Variants in CRIM1 observed in about 807,000 individuals in gnomAD.
CRIM1 encodes cysteine rich transmembrane BMP regulator 1.
CRIM1 carries 32 observed loss-of-function variants against 116.4 expected under a neutral mutation model. That is an observed-to-expected ratio of 0.27 (90% CI 0.21 to 0.37). CRIM1 has a LOEUF of 0.37. Among genes scored for constraint, CRIM1 ranks in the 10% least tolerant of loss-of-function variants. The probability of loss-of-function intolerance (pLI) is 1.00; values close to 1 mark genes in which losing one functional copy is unlikely to be tolerated. For synonymous variants in CRIM1, 590 were observed against 509.2 expected (o/e 1.16, Z -2.13); for missense variants, 1,331 against 1,354.8 (o/e 0.98, Z 0.28).
chr2:36,458,426 G>A (rs1677313123), intron 4 of CRIM1, among the ~76,000 whole-genome samples: 2 of 152,082 alleles, frequency 1.3e-5, no homozygotes, highest in South Asian at 4.1e-4. Flanking sequence ...AGGTTTTTCT[G>A]GTCATTGTAG....
At chr2:36,472,696 A>C (rs1442315117) in intron 5 of CRIM1, among the ~76,000 whole-genome samples, 1 of 152,126 alleles carries the variant, frequency 6.6e-6, no homozygotes, top group Non-Finnish European at 1.5e-5. Flanking sequence ...TCAACCAAAT[A>C]ATTAGTATTG....
intron 1 of CRIM1, among the ~76,000 whole-genome samples, chr2:36,388,568 G>C (rs1022894543): frequency 2.0e-4 from 31 of 152,162 alleles, no homozygotes; most frequent in African/African-American, 7.2e-4. Flanking sequence ...AGAGCTAAAT[G>C]CCTTGTTTGG....
In CRIM1 at chr2:36,537,341, C is replaced by T; in HGVS notation, c.2429-11C>T. The T allele has an allele frequency of 6.2e-7, 1 of 1,613,740 alleles. No individual in the cohort carries two copies. The highest frequency in any genetic ancestry group is 1.3e-5 in the African/African-American group (1 of 75,058). On this transcript the variant is annotated splice_polypyrimidine_tract_variant and intron_variant, in intron 13 of 16. Coordinates refer to ENST00000280527, the MANE Select transcript of CRIM1 (RefSeq NM_016441.3). ...ATCAGCGACTCCATCATGTGCTGTTCTTTTCACTAGAAGACACAATTCCAA... is the reference window on the plus strand; with the variant it reads ...ATCAGCGACTCCATCATGTGCTGTTTTTTTCACTAGAAGACACAATTCCAA...
intron 2 of CRIM1, among the ~76,000 whole-genome samples, chr2:36,416,582 T>C (rs747562779): frequency 3.5e-4 from 54 of 152,352 alleles, no homozygotes; most frequent in Non-Finnish European, 6.8e-4. Flanking sequence ...AGGTTTAGTA[T>C]TTTTTGACCT....
chr2:36,428,199 C>G (rs984986207), intron 2 of CRIM1, among the ~76,000 whole-genome samples: 59 of 152,230 alleles, frequency 3.9e-4, no homozygotes, highest in African/African-American at 1.4e-3. Flanking sequence ...CAGTGCAGGA[C>G]TTCCCAGGAG....
At chr2:36,535,749 C>T (rs1278213751) in intron 13 of CRIM1, among the ~76,000 whole-genome samples, 1 of 152,192 alleles carries the variant, frequency 6.6e-6, no homozygotes, top group African/African-American at 2.4e-5. Flanking sequence ...TATAAAGGTG[C>T]ATATGCTTGA....
At position 36,437,539 on chromosome 2, in the gene CRIM1, A is replaced by G. The variant is rs547869744; in HGVS notation, c.506-3719A>G. On this transcript the variant is annotated intron_variant, in intron 2 of 16. Transcript: ENST00000280527. The stretch of plus-strand genomic sequence containing the variant: ...TCTTTAAAAACAGTTTATTCTTAGA[A>G]CACAAGGATGATTTAAAATCCAACC... 6.1e-5 allele frequency among the ~76,000 whole-genome samples: 9 copies of G among 146,730 alleles called. No homozygotes were observed. The South Asian group carries it at 2.0e-3, about 33-fold the overall frequency.
intron 5 of CRIM1, among the ~76,000 whole-genome samples, chr2:36,474,550 TA>T (rs1342343649): frequency 6.6e-6 from 1 of 152,182 alleles, no homozygotes; most frequent in African/African-American, 2.4e-5. Flanking sequence ...TGCATGTAGA[TA>T]ATGCAAAAGA....
At chr2:36,528,187 C>G (rs143204491) in intron 13 of CRIM1, among the ~76,000 whole-genome samples, 1 of 152,204 alleles carries the variant, frequency 6.6e-6, no homozygotes, top group Non-Finnish European at 1.5e-5. Context: ...CAAATAGATT[C>G]TAGTGTCTCA....
chr2:36,499,829 G>GA (rs1159203423), intron 8 of CRIM1, among the ~76,000 whole-genome samples: 4 of 151,928 alleles, frequency 2.6e-5, no homozygotes, highest in Non-Finnish European at 5.9e-5. Flanking sequence ...ATTTCTTCCA[G>GA]AAAAAAATAA....
intron 13 of CRIM1, among the ~76,000 whole-genome samples, chr2:36,535,733 GC>G (rs1292355547): frequency 2.6e-5 from 4 of 152,178 alleles, no homozygotes; most frequent in Non-Finnish European, 5.9e-5. Context: ...CATTATTAGT[GC>G]CATTTATAAA....
At chr2:36,365,067 GT>G (rs1470444368) in intron 1 of CRIM1, among the ~76,000 whole-genome samples, 1 of 152,112 alleles carries the variant, frequency 6.6e-6, no homozygotes, top group Non-Finnish European at 1.5e-5. Flanking sequence ...AATGTCAGAT[GT>G]TTGTCAAAGA....
chr2:36,537,347 A>G lies in CRIM1; in HGVS notation c.2429-5A>G. ...GACTCCATCATGTGCTGTTCTTTTC[A>G]CTAGAAGACACAATTCCAAAGAAGG... On this transcript the variant is annotated splice_region_variant and splice_polypyrimidine_tract_variant and intron_variant, in intron 13 of 16. Coordinates refer to ENST00000280527, the MANE Select transcript of CRIM1 (RefSeq NM_016441.3). 1.2e-6 allele frequency: 2 copies of G among 1,614,012 alleles called. No homozygotes were observed. The highest frequency in any genetic ancestry group is 1.7e-6 in the Non-Finnish European group (2 of 1,179,934).
At chr2:36,497,346 C>G (rs575480403) in intron 7 of CRIM1, among the ~76,000 whole-genome samples, 5 of 152,250 alleles carry the variant, frequency 3.3e-5, no homozygotes, top group African/African-American at 1.2e-4. Flanking sequence ...GCCTTCTACG[C>G]TCTCTCATAT....
intron 2 of CRIM1, among the ~76,000 whole-genome samples, chr2:36,418,322 T>C (rs1457522479): frequency 6.6e-6 from 1 of 152,198 alleles, no homozygotes; most frequent in African/African-American, 2.4e-5. Flanking sequence ...TGTTTGCTTT[T>C]TGAGATGGTC....
chr2:36,465,108 C>T (rs1677896047), intron 5 of CRIM1, among the ~76,000 whole-genome samples: 1 of 152,202 alleles, frequency 6.6e-6, no homozygotes, highest in African/African-American at 2.4e-5. Context: ...AACATCTTTG[C>T]ACCTGATCTT....
At chr2:36,532,770 G>A (rs1666204384) in intron 13 of CRIM1, among the ~76,000 whole-genome samples, 1 of 152,160 alleles carries the variant, frequency 6.6e-6, no homozygotes, top group South Asian at 2.1e-4. Context: ...ATTGAATCTT[G>A]TGCCTCATTT....
intron 2 of CRIM1, among the ~76,000 whole-genome samples, chr2:36,405,335 T>A (rs540524020): frequency 6.6e-6 from 1 of 152,266 alleles, no homozygotes; most frequent in South Asian, 2.1e-4. Flanking sequence ...GGAGACACTT[T>A]TCAGCTGTAG....
intron 1 of CRIM1, chr2:36,379,182 C>T (rs1238749081): frequency 6.6e-6 from 1 of 151,826 alleles, no homozygotes; most frequent in African/African-American, 2.4e-5. Flanking sequence ...CTATGAAATC[C>T]TTGCCTTGTA....
Sources: gnomAD v4.1 joint callset for allele counts (sites outside exome capture counted in the v4.1 genomes callset) on GRCh38, gnomAD v4.1.1 for gene constraint, MANE v1.5 for transcripts, NCBI Gene and HGNC (gene_info 2026-07-23, HGNC 2026-07-21) for gene names.